Variants in FHIT observed in about 807,000 individuals in gnomAD.
FHIT encodes fragile histidine triad diadenosine triphosphatase.
FHIT carries 19 observed loss-of-function variants against 17.9 expected under a neutral mutation model. The ratio of observed to expected loss-of-function variants is 1.06; its 90% CI spans 0.74 to 1.56. FHIT has a LOEUF of 1.56. Among genes scored for constraint, FHIT ranks in the 40% most tolerant of loss-of-function variants. The pLI, the probability that FHIT is intolerant of heterozygous loss-of-function variation, is 0.00. For missense variants in FHIT, 248 were observed against 189.2 expected, an observed-to-expected ratio of 1.31 and a Z score of -1.82; for synonymous variants, 81 against 69.7, an observed-to-expected ratio of 1.16 and a Z score of -0.81.
chr3:61,165,179 T>C (rs943588113), intron 2 of FHIT, among the ~76,000 whole-genome samples: 13 of 152,244 alleles, frequency 8.5e-5, no homozygotes, highest in Admixed American at 7.9e-4. Flanking sequence ...CTAGGTTGAA[T>C]AGTAGTCCTG....
At chr3:61,212,273 A>T (rs1233285657) in intron 1 of FHIT, among the ~76,000 whole-genome samples, 2 of 152,194 alleles carry the variant, frequency 1.3e-5, no homozygotes, top group Non-Finnish European at 2.9e-5. Context: ...AGACGATTGT[A>T]TAACTAGAAT....
chr3:60,565,918 A>G (rs1310544135), intron 4 of FHIT, among the ~76,000 whole-genome samples: 2 of 152,156 alleles, frequency 1.3e-5, no homozygotes, highest in Non-Finnish European at 2.9e-5. Context: ...ATTTCCCTCT[A>G]CACACTGCTT....
chr3:61,017,816 T>C (rs1373084402), intron 3 of FHIT, among the ~76,000 whole-genome samples: 1 of 152,154 alleles, frequency 6.6e-6, no homozygotes, highest in Admixed American at 6.5e-5. Flanking sequence ...AATAATCAGC[T>C]GATACAGAAA....
chr3:61,001,738 T>C (rs1384463104), intron 3 of FHIT, among the ~76,000 whole-genome samples: 1 of 152,196 alleles, frequency 6.6e-6, no homozygotes, highest in African/African-American at 2.4e-5. Flanking sequence ...ATAGTGGTTG[T>C]GGTTTCATGA....
intron 5 of FHIT, among the ~76,000 whole-genome samples, chr3:60,413,850 A>C (rs1702152681): frequency 6.6e-6 from 1 of 152,218 alleles, no homozygotes; most frequent in East Asian, 1.9e-4. Context: ...CCATTTGTTT[A>C]AATATTTATT....
intron 5 of FHIT, among the ~76,000 whole-genome samples, chr3:60,017,408 G>T (rs758619247): frequency 1.3e-5 from 2 of 152,174 alleles, no homozygotes; most frequent in Non-Finnish European, 2.9e-5. Context: ...TACAAAGCTG[G>T]CATTTTGCCC....
intron 4 of FHIT, among the ~76,000 whole-genome samples, chr3:60,808,893 A>G (rs1307565870): frequency 1.3e-5 from 2 of 152,240 alleles, no homozygotes; most frequent in African/African-American, 2.4e-5. Context: ...AGCTTGGTTC[A>G]GTAGTTCAGT....
rs1264238820 is a variant in FHIT at position 60,202,658 on chromosome 3, C to T, written c.104-188506G>A. Among the ~76,000 whole-genome samples the T allele has an allele frequency of 4.6e-5, 7 of 152,234 alleles. No homozygotes were observed. In the South Asian group the frequency reaches 6.2e-4, roughly 14 times the overall value. On this transcript the variant is annotated intron_variant, in intron 5 of 9. Transcript: ENST00000492590. ...TCAGGAGAACATATCTTCACAAATA[C>T]TCATTATTTATTTATCCTTAAGTAA...
intron 5 of FHIT, among the ~76,000 whole-genome samples, chr3:60,503,767 T>C (rs951890652): frequency 6.6e-6 from 1 of 152,144 alleles, no homozygotes; most frequent in Non-Finnish European, 1.5e-5. Flanking sequence ...TAGAGTAGTG[T>C]TGTGTTCTAG....
chr3:60,924,338 C>T (rs1035860117), intron 3 of FHIT, among the ~76,000 whole-genome samples: 20 of 152,242 alleles, frequency 1.3e-4, no homozygotes, highest in African/African-American at 3.4e-4. Context: ...CTCACACGGC[C>T]GGGTACTCTT....
At chr3:60,549,098 A>T (rs2036462619) in intron 4 of FHIT, among the ~76,000 whole-genome samples, 1 of 152,222 alleles carries the variant, frequency 6.6e-6, no homozygotes, top group South Asian at 2.1e-4. Context: ...TGACAAAAGT[A>T]ATGCCTAATT....
At position 60,823,474 on chromosome 3, in the gene FHIT, G is replaced by A. The variant is rs145810409; in HGVS notation, c.-110-1463C>T. On this transcript the variant is annotated intron_variant, in intron 3 of 9. Coordinates refer to ENST00000492590, the MANE Select transcript of FHIT (RefSeq NM_002012.4). ...CCAATATGATTGGATATAAGAGGAT[G>A]ACCACGTGAAGACACAGAGACACAC... Among the ~76,000 whole-genome samples the A allele has an allele frequency of 6.2e-3, 946 of 152,304 alleles. 5 individuals carry two copies. The highest frequency in any genetic ancestry group is 9.3e-3 in the Non-Finnish European group (632 of 68,024).
intron 5 of FHIT, among the ~76,000 whole-genome samples, chr3:60,128,243 T>C (rs1705647787): frequency 6.6e-6 from 1 of 152,154 alleles, no homozygotes; most frequent in African/African-American, 2.4e-5. Flanking sequence ...CCACATGTGG[T>C]GGGAAAGACT....
intron 2 of FHIT, among the ~76,000 whole-genome samples, chr3:61,112,456 A>G (rs966876306): frequency 1.3e-5 from 2 of 152,130 alleles, no homozygotes; most frequent in African/African-American, 4.8e-5. Flanking sequence ...AAGGCCAATG[A>G]CAATATATTT....
At chr3:60,419,107 C>T (rs6446126) in intron 5 of FHIT, among the ~76,000 whole-genome samples, 31,331 of 152,080 alleles carry the variant, frequency 0.21, 3,850 homozygotes, top group East Asian at 0.48. Flanking sequence ...ATGTGCCGTG[C>T]AGTCAGGCAA....
intron 4 of FHIT, among the ~76,000 whole-genome samples, chr3:60,751,010 T>A (rs1486850312): frequency 6.6e-6 from 1 of 152,198 alleles, no homozygotes; most frequent in African/African-American, 2.4e-5. Flanking sequence ...CTCAGGGTCC[T>A]TCCTCCCTGG....
At chr3:60,550,712 T>G (rs183102530) in intron 4 of FHIT, among the ~76,000 whole-genome samples, 1 of 152,234 alleles carries the variant, frequency 6.6e-6, no homozygotes, top group African/African-American at 2.4e-5. Flanking sequence ...TTACATATAC[T>G]TAATAACCTT....
intron 4 of FHIT, among the ~76,000 whole-genome samples, chr3:60,816,745 G>A (rs1701753562): frequency 1.3e-5 from 2 of 151,780 alleles, no homozygotes; most frequent in South Asian, 4.2e-4. Flanking sequence ...GTGATGCACA[G>A]AATGAGTTTG....
intron 2 of FHIT, among the ~76,000 whole-genome samples, chr3:61,083,662 T>C (rs1431613942): frequency 6.6e-6 from 1 of 152,240 alleles, no homozygotes; most frequent in Non-Finnish European, 1.5e-5. Flanking sequence ...TCACCCTCAC[T>C]AAACTCTAAC....
Sources: allele counts gnomAD v4.1 joint callset (sites outside exome capture counted in the v4.1 genomes callset), GRCh38; gene constraint gnomAD v4.1.1; transcripts MANE v1.5; gene names NCBI Gene and HGNC (gene_info 2026-07-23, HGNC 2026-07-21).